SLCO5A1: variants seen among roughly 807,000 people sequenced by gnomAD.
SLCO5A1 encodes the protein solute carrier organic anion transporter family member 5A1.
A neutral mutation model predicts 65.1 loss-of-function variants in SLCO5A1; 39 were observed. That is an observed-to-expected ratio of 0.60 (90% CI 0.46 to 0.78). SLCO5A1 has a LOEUF of 0.78. Ranked by LOEUF, SLCO5A1 falls within the 30% of genes least tolerant of loss-of-function variation. The pLI, the probability that SLCO5A1 is intolerant of heterozygous loss-of-function variation, is 0.00. For missense variants in SLCO5A1, 1,029 were observed against 1,069.4 expected, an observed-to-expected ratio of 0.96 and a Z score of 0.53; for synonymous variants, 438 against 415.7, an observed-to-expected ratio of 1.05 and a Z score of -0.65.
At chr8:69,778,412 T>C (rs1818661422) in intron 2 of SLCO5A1, among the ~76,000 whole-genome samples, 1 of 152,122 alleles carries the variant, frequency 6.6e-6, no homozygotes. Flanking sequence ...CATCATTGAG[T>C]TGTATACTTA....
intron 2 of SLCO5A1, among the ~76,000 whole-genome samples, chr8:69,806,869 G>A (rs949282305): frequency 1.3e-5 from 2 of 152,238 alleles, no homozygotes; most frequent in African/African-American, 4.8e-5. Context: ...TAAACATGAT[G>A]TAGAGTGGGA....
intron 2 of SLCO5A1, among the ~76,000 whole-genome samples, chr8:69,809,276 A>C (rs888182516): frequency 1.6e-4 from 24 of 152,374 alleles, no homozygotes; most frequent in Admixed American, 2.0e-4. Context: ...GCATAATCTG[A>C]AATCAACAGA....
chr8:69,800,769 C>A (rs1221803594), intron 2 of SLCO5A1, among the ~76,000 whole-genome samples: 2 of 152,190 alleles, frequency 1.3e-5, no homozygotes, highest in African/African-American at 4.8e-5. Flanking sequence ...ACTTCTGATT[C>A]CAGAACCCAG....
chr8:69,809,480 G>T (rs1319977273), intron 2 of SLCO5A1, among the ~76,000 whole-genome samples: 1 of 151,950 alleles, frequency 6.6e-6, no homozygotes, highest in Non-Finnish European at 1.5e-5. Flanking sequence ...AAAGAAAGAA[G>T]GACAAGTAAG....
intron 6 of SLCO5A1, chr8:69,700,552 G>A (rs983912128): frequency 1.3e-5 from 2 of 152,098 alleles, no homozygotes. Context: ...GTCAGAAAGA[G>A]CTCACCATGT....
chr8:69,703,632 G>T (rs1375277244), intron 6 of SLCO5A1, among the ~76,000 whole-genome samples: 1 of 152,214 alleles, frequency 6.6e-6, no homozygotes, highest in Non-Finnish European at 1.5e-5. Flanking sequence ...GTTAAAGGCA[G>T]TGCTTATGGG....
intron 2 of SLCO5A1, among the ~76,000 whole-genome samples, chr8:69,818,067 G>T (rs1042556880): frequency 7.9e-5 from 12 of 152,250 alleles, no homozygotes; most frequent in African/African-American, 2.4e-4. Context: ...TATCAAAATG[G>T]ATACCATTCA....
chr8:69,690,798 A>T (rs1481285756), intron 6 of SLCO5A1, among the ~76,000 whole-genome samples: 1 of 152,222 alleles, frequency 6.6e-6, no homozygotes. Flanking sequence ...CTTCCTGGTC[A>T]TTTGGTAGCT....
intron 4 of SLCO5A1, among the ~76,000 whole-genome samples, chr8:69,754,152 G>A (rs1207244490): frequency 6.6e-6 from 1 of 152,056 alleles, no homozygotes; most frequent in Non-Finnish European, 1.5e-5. Context: ...AAAATGTTGG[G>A]CTGGTGCACA....
At chr8:69,680,390 G>A (rs940639111) in intron 7 of SLCO5A1, among the ~76,000 whole-genome samples, 2 of 152,132 alleles carry the variant, frequency 1.3e-5, no homozygotes, top group Non-Finnish European at 2.9e-5. Context: ...GCGGTATTTG[G>A]TTTTCTAATC....
Position 69,832,931 on chromosome 8 carries a change from C to T in SLCO5A1, c.-258G>A, listed in dbSNP as rs114393074. 6.3e-3 allele frequency: 2,988 copies of T among 477,218 alleles called. 82 individuals are homozygous for T. Among genetic ancestry groups the T allele is most frequent in the African/African-American group, 0.056 (2,733 of 48,702 alleles). 29.6% of individuals were successfully genotyped at this position (477,218 alleles called of 1,614,324 possible). ...CCGCGCGGTACTGCGATGAGCCCTA[C>T]TCGGCGTCCCTCTCCGGGCGGTAGC... On this transcript the variant is annotated 5_prime_UTR_variant, in exon 2 of 10. Coordinates refer to ENST00000260126, the MANE Select transcript of SLCO5A1 (RefSeq NM_030958.3). The surrounding 1 kb of genome is among the most constrained non-coding windows in gnomAD (Gnocchi z 4.5).
chr8:69,830,045 CAG>C (rs1821094323), intron 2 of SLCO5A1, among the ~76,000 whole-genome samples: 1 of 152,136 alleles, frequency 6.6e-6, no homozygotes, highest in Non-Finnish European at 1.5e-5. Context: ...TGTTAGAAAA[CAG>C]AGAGGCAAGA....
In SLCO5A1 at chr8:69,832,829, C is replaced by T. The variant is rs1821233627; in HGVS notation, c.-156G>A. On this transcript the variant is annotated 5_prime_UTR_variant, in exon 2 of 10. Transcript: ENST00000260126. The surrounding 1 kb of genome is among the most constrained non-coding windows in gnomAD (Gnocchi z 4.5). The stretch of plus-strand genomic sequence containing the variant: ...CCGCGCAGCAGGGCATCCTCACCAG[C>T]TGCGAGGCGCCCAGTGCATCCTGAT... The T allele has an allele frequency of 2.8e-5, 22 of 798,528 alleles. No homozygotes were observed. The highest frequency in any genetic ancestry group is 4.2e-5 in the Non-Finnish European group (22 of 518,632). 49.5% of individuals were successfully genotyped at this position (798,528 alleles called of 1,614,324 possible). A position where few individuals can be genotyped will look rare whatever the true frequency, so the allele number is the denominator to read the frequency against.
intron 2 of SLCO5A1, among the ~76,000 whole-genome samples, chr8:69,818,988 C>T (rs1820521055): frequency 6.6e-6 from 1 of 152,116 alleles, no homozygotes; most frequent in South Asian, 2.1e-4. Context: ...TTTATTTATT[C>T]ATGATTTGCA....
rs767231396 is a variant in SLCO5A1, at chr8:69,679,421, T to A, written c.1981A>T (p.Ile661Phe). ...FLVFLFIVTF[I>F]TACAQPSAII... is the part of the protein sequence containing the mutation. ...GCTGATGGTTGGGCACATGCTGTGA[T>A]GAAGGTGACTATGAAAAGAAAAACT... Residue 661 changes from isoleucine to phenylalanine, a missense_variant, in exon 8 of 10, where the codon ATC (isoleucine) becomes TTC (phenylalanine). Physicochemically the swap from Ile to Phe is conservative, Grantham distance 21 (BLOSUM62 0). Around this residue, in one of 3 missense-constraint regions of SLCO5A1, gnomAD observed 258 missense variants for 237.4 expected, o/e 1.09. Coordinates refer to ENST00000260126, the MANE Select transcript of SLCO5A1 (RefSeq NM_030958.3). The A allele has an allele frequency of 1.2e-6, 2 of 1,614,218 alleles. No homozygotes were observed. The highest frequency in any genetic ancestry group is 1.7e-6 in the Non-Finnish European group (2 of 1,180,022).
At chr8:69,766,078 A>C (rs1818048232) in intron 2 of SLCO5A1, among the ~76,000 whole-genome samples, 1 of 152,086 alleles carries the variant, frequency 6.6e-6, no homozygotes, top group Admixed American at 6.5e-5. Context: ...GCATCAGTAA[A>C]TCCTGTTGGT....
intron 2 of SLCO5A1, among the ~76,000 whole-genome samples, chr8:69,831,352 C>G (rs1278402153): frequency 6.6e-6 from 1 of 152,006 alleles, no homozygotes; most frequent in Non-Finnish European, 1.5e-5. Context: ...CCCTGCTGCT[C>G]TGGACAGAAA....
At chr8:69,769,067 G>A (rs764067817) in intron 2 of SLCO5A1, among the ~76,000 whole-genome samples, 37 of 152,160 alleles carry the variant, frequency 2.4e-4, no homozygotes, top group African/African-American at 7.5e-4. Flanking sequence ...TGTGCTGGTC[G>A]CATGGTCATT....
intron 4 of SLCO5A1, among the ~76,000 whole-genome samples, chr8:69,750,255 G>A (rs1333683684): frequency 6.6e-6 from 1 of 152,102 alleles, no homozygotes; most frequent in Non-Finnish European, 1.5e-5. Context: ...GGGGGCAAGG[G>A]TCGATGCAGC....
Sources: allele counts gnomAD v4.1 joint callset (sites outside exome capture counted in the v4.1 genomes callset), GRCh38; gene constraint gnomAD v4.1.1; regional missense constraint gnomAD v4.1.1; non-coding constraint Gnocchi (gnomAD v3.1); transcripts MANE v1.5; gene names NCBI Gene and HGNC (gene_info 2026-07-23, HGNC 2026-07-21).